Variants in ZFHX3 observed in about 807,000 individuals in gnomAD.
ZFHX3 encodes zinc finger homeobox 3.
A neutral mutation model predicts 279.1 loss-of-function variants in ZFHX3; 42 were observed. That is an observed-to-expected ratio of 0.15 (90% confidence interval 0.12 to 0.19). The LOEUF (loss-of-function observed/expected upper bound fraction) is 0.19, where lower values mean the gene tolerates loss of function less well. Ranked by LOEUF, ZFHX3 falls within the 10% of genes least tolerant of loss-of-function variation. The pLI, the probability that ZFHX3 is intolerant of heterozygous loss-of-function variation, is 1.00. For missense variants in ZFHX3, 4,981 were observed against 4,754.0 expected (o/e 1.05, Z -1.40); for synonymous variants, 2,293 against 1,957.8 (o/e 1.17, Z -4.52).
rs1402414089 is a variant in ZFHX3 at position 73,184,687 on chromosome 16, C to A, written c.-1103-40856G>T. Among the ~76,000 whole-genome samples, 3 of 152,162 alleles carry A rather than the reference C, an allele frequency of 2.0e-5. No homozygotes were observed. The East Asian group carries it at 5.8e-4, about 29-fold the overall frequency. On this transcript the variant is annotated intron_variant, in intron 5 of 17. Transcript: ENST00000641206. ...CAGGGTCCTAGAACATCCTTGATTGCCTGGCATCTTTAATTAAAAGTGAAA... is the reference window on the plus strand; with the variant it reads ...CAGGGTCCTAGAACATCCTTGATTGACTGGCATCTTTAATTAAAAGTGAAA...
Position 73,031,728 on chromosome 16 carries a change from C to T in ZFHX3, c.-50+16024G>A, listed in dbSNP as rs1042009195. Among the ~76,000 whole-genome samples the T allele has an allele frequency of 3.9e-5, 6 of 152,166 alleles. No individual in the cohort carries two copies. In the East Asian group the frequency reaches 9.6e-4, roughly 24 times the overall value. On this transcript the variant is annotated intron_variant, in intron 1 of 9. Coordinates refer to ENST00000268489, the MANE Select transcript of ZFHX3 (RefSeq NM_006885.4). ...TTGAATGCATGAACCAGAACGCGGG[C>T]GTGCAGGGCGGAAGATCCTCTGCTC... is the stretch of plus-strand genomic sequence containing the variant.
chr16:72,917,993 C>A (rs1292834135), intron 3 of ZFHX3, among the ~76,000 whole-genome samples: 1 of 151,160 alleles, frequency 6.6e-6, no homozygotes, highest in Non-Finnish European at 1.5e-5. Flanking sequence ...CAATAAATGT[C>A]AAGTTCCTTC....
intron 3 of ZFHX3, among the ~76,000 whole-genome samples, chr16:73,442,422 G>C (rs563931121): frequency 4.0e-5 from 6 of 150,536 alleles, no homozygotes; most frequent in Admixed American, 6.6e-5. Flanking sequence ...GCTGTAGCAC[G>C]ATCATAGCTC....
rs964826686 is a variant in ZFHX3, at chr16:73,146,638, TTTTC to T, written c.-1103-2811_-1103-2808del. ...ATGGCAGTACTAGTTTTTTAAACTC[TTTTC>T]TTTCTTTTTATTTTTTAATTAATTA... On this transcript the variant is annotated intron_variant, in intron 5 of 17. Coordinates refer to the ZFHX3 transcript ENST00000641206. Among the ~76,000 whole-genome samples the T allele has an allele frequency of 5.2e-4, 79 of 152,140 alleles. 1 individual carries two copies. Among genetic ancestry groups the T allele is most frequent in the African/African-American group, 1.8e-3 (76 of 41,528 alleles).
At chr16:73,429,100 G>A (rs1222671710) in intron 3 of ZFHX3, among the ~76,000 whole-genome samples, 1 of 152,092 alleles carries the variant, frequency 6.6e-6, no homozygotes, top group African/African-American at 2.4e-5. Context: ...CCTGGGGCAG[G>A]GCCCTCCTTC....
intron 7 of ZFHX3, among the ~76,000 whole-genome samples, chr16:73,116,451 C>T (rs111673607): frequency 1.3e-5 from 2 of 152,258 alleles, no homozygotes; most frequent in South Asian, 2.1e-4. Context: ...ATTGTGGAAT[C>T]GCAAGTGGAG....
intron 4 of ZFHX3, among the ~76,000 whole-genome samples, chr16:73,258,555 A>G (rs2013727425): frequency 6.6e-6 from 1 of 152,022 alleles, no homozygotes; most frequent in Admixed American, 6.6e-5. Context: ...TTCACATGTT[A>G]GCCAGGATGG....
chr16:73,705,955 C>G (rs2053299131), intron 1 of ZFHX3, among the ~76,000 whole-genome samples: 1 of 152,058 alleles, frequency 6.6e-6, no homozygotes, highest in African/African-American at 2.4e-5. Flanking sequence ...TTGTAAGGGC[C>G]TCCTGAGTGG....
intron 1 of ZFHX3, among the ~76,000 whole-genome samples, chr16:73,719,793 CCAGCTAATTTTGTATTTTTAGTAGAGA>C (rs11269327): frequency 0.82 from 124,964 of 151,880 alleles, 52,566 homozygotes; most frequent in Non-Finnish European, 0.91. Flanking sequence ...ACCACCAAGC[CCAGCTAATTTTGTATTTTTAGTAGAGA>C]CAGGGTTTCT....
At chr16:73,802,584 C>A (rs545797281) in intron 1 of ZFHX3, among the ~76,000 whole-genome samples, 1 of 152,280 alleles carries the variant, frequency 6.6e-6, no homozygotes, top group East Asian at 1.9e-4. Flanking sequence ...CAGACTAATA[C>A]AGGTCGCAGC....
At chr16:73,642,358 G>A (rs928804945) in intron 2 of ZFHX3, among the ~76,000 whole-genome samples, 4 of 152,034 alleles carry the variant, frequency 2.6e-5, no homozygotes, top group Non-Finnish European at 4.4e-5. Context: ...TCAGAGGACC[G>A]CCTCTCTTGT....
rs557298308 is a variant in ZFHX3 at position 73,777,487 on chromosome 16, C to G, written c.-1607-97247G>C. Among the ~76,000 whole-genome samples, 6 of 107,518 alleles carry G rather than the reference C, an allele frequency of 5.6e-5. No individual in the cohort carries two copies. The East Asian group carries it at 1.9e-3, about 34-fold the overall frequency. The allele number at this position is 107,518 out of a possible 152,430, so 70.5% of individuals were successfully genotyped here. A position where few individuals can be genotyped will look rare whatever the true frequency, so the allele number is the denominator to read the frequency against. ...TCACGCCACTGCGCTCCAGCCTGGG[C>G]GACAGAGTGAGACTCTGTCTCAAAA... On this transcript the variant is annotated intron_variant, in intron 1 of 17. Coordinates refer to the ZFHX3 transcript ENST00000641206.
At chr16:73,865,513 C>T (rs1363236695) in intron 1 of ZFHX3, among the ~76,000 whole-genome samples, 2 of 152,184 alleles carry the variant, frequency 1.3e-5, no homozygotes, top group African/African-American at 2.4e-5. Context: ...TCCCAACTCT[C>T]TTATATTCTA....
At chr16:73,251,349 C>T (rs899003332) in intron 5 of ZFHX3, among the ~76,000 whole-genome samples, 8 of 152,148 alleles carry the variant, frequency 5.3e-5, no homozygotes, top group South Asian at 2.1e-4. Context: ...AAAACGATAA[C>T]GATGATGATA....
At chr16:73,538,117 GAGCAGCA>G (rs2019939440) in intron 2 of ZFHX3, among the ~76,000 whole-genome samples, 1 of 152,302 alleles carries the variant, frequency 6.6e-6, no homozygotes, top group East Asian at 1.9e-4. Flanking sequence ...CAATGAATAT[GAGCAGCA>G]AGTCATCACG....
intron 1 of ZFHX3, among the ~76,000 whole-genome samples, chr16:73,020,764 T>A (rs930503193): frequency 1.3e-5 from 2 of 152,216 alleles, no homozygotes; most frequent in African/African-American, 4.8e-5. Context: ...GGCACGGGCA[T>A]GGTTGTTGGA....
chr16:73,082,610 C>CTT, intron 8 of ZFHX3, among the ~76,000 whole-genome samples: 1 of 151,566 alleles, frequency 6.6e-6, no homozygotes, highest in African/African-American at 2.4e-5. Context: ...AACTTACTTT[C>CTT]TTTTTTTTTG....
chr16:73,574,186 A>C (rs1410311377), intron 2 of ZFHX3, among the ~76,000 whole-genome samples: 2 of 152,194 alleles, frequency 1.3e-5, no homozygotes, highest in Non-Finnish European at 2.9e-5. Context: ...TGATGCAAAA[A>C]AGAAATGGTC....
At chr16:73,287,317 G>T (rs1342941800) in intron 4 of ZFHX3, among the ~76,000 whole-genome samples, 1 of 146,068 alleles carries the variant, frequency 6.8e-6, no homozygotes, top group Non-Finnish European at 1.5e-5. Context: ...GTGTGTGGGT[G>T]TGTGGGCCAG....
Sources: gnomAD v4.1 joint callset for allele counts (sites outside exome capture counted in the v4.1 genomes callset) on GRCh38, gnomAD v4.1.1 for gene constraint, MANE v1.5 for transcripts, NCBI Gene and HGNC (gene_info 2026-07-23, HGNC 2026-07-21) for gene names.